TCF7L2: variants seen among roughly 807,000 people sequenced by gnomAD.
TCF7L2 encodes the protein transcription factor 7-like 2.
In TCF7L2, 23 loss-of-function variants were observed where a neutral mutation model predicts 77.9. The ratio of observed to expected loss-of-function variants is 0.30; its 90% CI spans 0.21 to 0.42. The LOEUF (loss-of-function observed/expected upper bound fraction) is 0.42, where lower values mean the gene tolerates loss of function less well. TCF7L2 is among the 10% of genes least tolerant of loss of function. The pLI, the probability that TCF7L2 is intolerant of heterozygous loss-of-function variation, is 1.00. For missense variants in TCF7L2, 654 were observed against 793.1 expected (o/e 0.82, Z 2.11); for synonymous variants, 413 against 340.2 (o/e 1.21, Z -2.36).
Position 113,165,912 on chromosome 10 carries a change from CAGCTCCCTGGCCGGGACCCAG to C in TCF7L2, c.1750_1770del (p.Ser584_Gln590del), listed in dbSNP as rs776839601. ...CGTCGACTTCTTCCTTACATTCCCACAGCTCCCTGGCCGGGACCCAGCCCCAGCCGCTGTCGCTCGTCACCA... is the reference window on the plus strand; with the variant it reads ...CGTCGACTTCTTCCTTACATTCCCACCCCCAGCCGCTGTCGCTCGTCACCA... On this transcript the variant is annotated inframe_deletion, in exon 14 of 14. Coordinates refer to ENST00000627217, the MANE Select transcript of TCF7L2 (RefSeq NM_001146274.2). The C allele has an allele frequency of 6.3e-7, 1 of 1,587,708 alleles. No individual in the cohort carries two copies. The highest frequency in any genetic ancestry group is 1.1e-5 in the South Asian group (1 of 88,318).
chr10:113,049,082 A>C (rs993194627), intron 5 of TCF7L2, among the ~76,000 whole-genome samples: 1 of 152,128 alleles, frequency 6.6e-6, no homozygotes, highest in African/African-American at 2.4e-5. Context: ...TCCAGTTTAC[A>C]CATAAGGATG....
intron 5 of TCF7L2, among the ~76,000 whole-genome samples, chr10:113,048,426 G>C (rs1305441302): frequency 6.6e-6 from 1 of 152,048 alleles, no homozygotes; most frequent in Non-Finnish European, 1.5e-5. Context: ...CTCCCACAAT[G>C]GTGCTTCGTT....
chr10:112,951,257 G>A lies in TCF7L2; in HGVS notation c.240G>A (p.Arg80=). 6.4e-7 allele frequency: 1 copy of A among 1,562,516 alleles called. No homozygotes were observed. The highest frequency in any genetic ancestry group is 8.6e-7 in the Non-Finnish European group (1 of 1,156,734). The change falls in exon 2 of 14, where the codon CGG becomes CGA. Residue 80 remains arginine, a synonymous_variant. Coordinates refer to ENST00000627217, the MANE Select transcript of TCF7L2 (RefSeq NM_001146274.2). Reference sequence around the variant, plus strand: ...CCGAAAGTTTCCGAGACAAATCCCGGGAAAGTTTGGAAGAAGGTGAGTACG... The same window carrying A: ...CCGAAAGTTTCCGAGACAAATCCCGAGAAAGTTTGGAAGAAGGTGAGTACG...
intron 3 of TCF7L2, among the ~76,000 whole-genome samples, chr10:112,952,096 GTGAC>G (rs757607519): frequency 9.9e-5 from 15 of 152,266 alleles, no homozygotes; most frequent in African/African-American, 2.2e-4. Context: ...CGGGCCACGA[GTGAC>G]TGACTGTGCT....
At chr10:113,041,543 C>T (rs2134296805) in intron 5 of TCF7L2, among the ~76,000 whole-genome samples, 2 of 152,284 alleles carry the variant, frequency 1.3e-5, no homozygotes, top group East Asian at 3.9e-4. Flanking sequence ...GATGTCTTCT[C>T]TCCTACAGGA....
chr10:113,046,480 C>G (rs1482809952), intron 5 of TCF7L2, among the ~76,000 whole-genome samples: 1 of 152,138 alleles, frequency 6.6e-6, no homozygotes, highest in African/African-American at 2.4e-5. Flanking sequence ...TGCAGTCTCT[C>G]TCCTGGAAAT....
chr10:113,043,523 T>C lies in TCF7L2; in HGVS notation c.552+3397T>C, dbSNP rs901676456. 2.1e-4 allele frequency among the ~76,000 whole-genome samples: 32 copies of C among 152,316 alleles called. 1 individual carries two copies. Among genetic ancestry groups the C allele is most frequent in the Admixed American group, 1.9e-3 (29 of 15,302 alleles). ...GATTGCAACAGGGACGATGCCTTCA[T>C]TGGCTGGCCCAAAACTGGGAGTTTA... On this transcript the variant is annotated intron_variant, in intron 5 of 13. Coordinates refer to ENST00000627217, the MANE Select transcript of TCF7L2 (RefSeq NM_001146274.2).
intron 3 of TCF7L2, among the ~76,000 whole-genome samples, chr10:112,955,096 A>AC (rs530074740): frequency 8.6e-4 from 123 of 142,770 alleles, no homozygotes; most frequent in African/African-American, 3.0e-3. Flanking sequence ...TTGTCCTCCC[A>AC]CCCCCCCACC....
rs1268152020 is a variant in TCF7L2 at position 112,950,690 on chromosome 10, G to C, written c.-67G>C. ...TGGGGGGGCAAAACTTTTTGGGGGT[G>C]ATTTTTTTTGGCTTTTCTTCCTCCT... On this transcript the variant is annotated 5_prime_UTR_variant, in exon 1 of 14. Transcript: ENST00000627217. 10 of 1,510,522 alleles carry C rather than the reference G, an allele frequency of 6.6e-6. No homozygotes were observed. Among genetic ancestry groups the C allele is most frequent in the Non-Finnish European group, 8.8e-6 (10 of 1,131,570 alleles). The allele number at this position is 1,510,522 out of a possible 1,614,324, so 93.6% of individuals were successfully genotyped here.
At chr10:113,071,040 G>A (rs769112289) in intron 5 of TCF7L2, among the ~76,000 whole-genome samples, 7 of 152,106 alleles carry the variant, frequency 4.6e-5, no homozygotes, top group Admixed American at 6.5e-5. Flanking sequence ...TCATAGGCCC[G>A]TGGTCTTTTG....
chr10:113,118,520 G>GTGTGTGTGTGTGTGT (rs1555084612), intron 5 of TCF7L2, among the ~76,000 whole-genome samples: 3,665 of 141,314 alleles, frequency 0.026, 64 homozygotes, highest in Middle Eastern at 0.043. Context: ...TCATCTGGGG[G>GTGTGTGTGTGTGTGT]GTGTGTGTGT....
intron 5 of TCF7L2, among the ~76,000 whole-genome samples, chr10:113,068,621 A>T (rs1458196657): frequency 6.6e-6 from 1 of 152,178 alleles, no homozygotes; most frequent in Non-Finnish European, 1.5e-5. Context: ...GGAGGCCCAG[A>T]CGTGGAGCAC....
chr10:113,056,403 AC>A (rs758952179), intron 5 of TCF7L2, among the ~76,000 whole-genome samples: 41 of 152,284 alleles, frequency 2.7e-4, no homozygotes, highest in Non-Finnish European at 5.6e-4. Context: ...AGGGTAGAGG[AC>A]AGAAAGAAGG....
Position 113,040,146 on chromosome 10 carries a change from T to C in TCF7L2, c.552+20T>C. The C allele has an allele frequency of 6.2e-7, 1 of 1,606,060 alleles. No individual in the cohort carries two copies. Among genetic ancestry groups the C allele is most frequent in the African/African-American group, 1.3e-5 (1 of 74,842 alleles). On this transcript the variant is annotated intron_variant, in intron 5 of 13. Coordinates refer to ENST00000627217, the MANE Select transcript of TCF7L2 (RefSeq NM_001146274.2). Reference sequence around the variant, plus strand: ...ATTGTCGTAAGTAACCTCCCAGAGATGATGGCTTCCTTTATTGAGGGGGTG... The same window carrying C: ...ATTGTCGTAAGTAACCTCCCAGAGACGATGGCTTCCTTTATTGAGGGGGTG...
chr10:113,012,922 T>G (rs2133663596), intron 4 of TCF7L2, among the ~76,000 whole-genome samples: 1 of 152,290 alleles, frequency 6.6e-6, no homozygotes, highest in South Asian at 2.1e-4. Flanking sequence ...GGCTTCCTTC[T>G]GTTACTCTAC....
At chr10:113,071,322 G>C (rs927698099) in intron 5 of TCF7L2, among the ~76,000 whole-genome samples, 1 of 152,152 alleles carries the variant, frequency 6.6e-6, no homozygotes, top group Admixed American at 6.5e-5. Flanking sequence ...CCTTGTGACT[G>C]CTGTGTTGGC....
intron 3 of TCF7L2, among the ~76,000 whole-genome samples, chr10:112,961,267 C>G (rs28547348): frequency 0.2 from 26,071 of 132,598 alleles, 5,475 homozygotes; most frequent in Non-Finnish European, 0.27. Context: ...CCCCCCCCCC[C>G]AACCTCGGCC....
At position 113,151,448 on chromosome 10, in the gene TCF7L2, G is replaced by A. The variant is rs1383972006; in HGVS notation, c.1002-277G>A. Among the ~76,000 whole-genome samples the A allele has an allele frequency of 6.6e-6, 1 of 152,088 alleles. No individual in the cohort carries two copies. Among genetic ancestry groups the A allele is most frequent in the Non-Finnish European group, 1.5e-5 (1 of 68,034 alleles). Reference sequence around the variant, plus strand: ...TCTGCAAGCAGGAGAAAACCCTGCCGAGGTGAAGACAGCAACCATGTGCTT... The same window carrying A: ...TCTGCAAGCAGGAGAAAACCCTGCCAAGGTGAAGACAGCAACCATGTGCTT... On this transcript the variant is annotated intron_variant, in intron 9 of 13. Coordinates refer to ENST00000627217, the MANE Select transcript of TCF7L2 (RefSeq NM_001146274.2). The surrounding 1 kb of genome is among the most constrained non-coding windows in gnomAD (Gnocchi z 5.2).
chr10:113,097,877 C>T (rs1177719232), intron 5 of TCF7L2, among the ~76,000 whole-genome samples: 4 of 150,980 alleles, frequency 2.6e-5, no homozygotes, highest in African/African-American at 9.7e-5. Context: ...CATGGTGAAA[C>T]CCTGTCTTTG....
Sources: gnomAD v4.1 joint callset for allele counts (sites outside exome capture counted in the v4.1 genomes callset) on GRCh38, gnomAD v4.1.1 for gene constraint, Gnocchi (gnomAD v3.1) non-coding constraint, MANE v1.5 for transcripts, NCBI Gene and HGNC (gene_info 2026-07-23, HGNC 2026-07-21) for gene names.